POLA1: variants seen among roughly 807,000 people sequenced by gnomAD.
POLA1 encodes DNA polymerase alpha catalytic subunit.
Under a neutral mutation model 124.0 loss-of-function variants are expected in POLA1, and 15 were observed. That is an observed-to-expected ratio of 0.12 (90% confidence interval 0.08 to 0.19). The LOEUF is 0.19. POLA1 is among the 10% of genes least tolerant of loss of function. The pLI, the probability that POLA1 is intolerant of heterozygous loss-of-function variation, is 1.00. For missense variants in POLA1, 886 were observed against 1,103.4 expected (o/e 0.80, Z 2.79); for synonymous variants, 408 against 389.4 (o/e 1.05, Z -0.56).
intron 15 of POLA1, among the ~76,000 whole-genome samples, chrX:24,730,435 G>A (rs1250491442): frequency 1.8e-5 from 2 of 110,535 alleles, no homozygotes; most frequent in African/African-American, 3.3e-5. Flanking sequence ...TAGTAGAGAC[G>A]GAGTTTCCCC....
At chrX:24,846,800 A>G (rs2046483227) in intron 34 of POLA1, among the ~76,000 whole-genome samples, 1 of 112,046 alleles carries the variant, frequency 8.9e-6, no homozygotes, top group African/African-American at 3.2e-5. Context: ...TTACACTTTC[A>G]TGAAATTTTC....
intron 36 of POLA1, among the ~76,000 whole-genome samples, chrX:24,965,485 G>A (rs1011925576): frequency 4.5e-5 from 5 of 111,662 alleles, no homozygotes; most frequent in African/African-American, 1.6e-4. Context: ...TGGAGCCAGG[G>A]CTAATTGCTT....
At chrX:24,922,040 C>T (rs770354863) in intron 35 of POLA1, among the ~76,000 whole-genome samples, 1 of 110,838 alleles carries the variant, frequency 9.0e-6, no homozygotes, top group South Asian at 3.9e-4. Flanking sequence ...CAGCTTAGAT[C>T]TGAAAAGAAA....
chrX:24,797,859 G>A (rs1234855054), intron 26 of POLA1, among the ~76,000 whole-genome samples: 2 of 107,659 alleles, frequency 1.9e-5, no homozygotes, highest in East Asian at 5.8e-4. Context: ...ACCAGGGTAG[G>A]CAACATAGTG....
At chrX:24,791,935 T>C (rs1258150652) in intron 26 of POLA1, among the ~76,000 whole-genome samples, 1 of 112,096 alleles carries the variant, frequency 8.9e-6, no homozygotes. Context: ...TTTCTTGTGA[T>C]AATCATTATA....
intron 35 of POLA1, among the ~76,000 whole-genome samples, chrX:24,905,875 A>T (rs927602423): frequency 8.9e-6 from 1 of 112,155 alleles, no homozygotes; most frequent in African/African-American, 3.2e-5. Context: ...CACTTTTTAA[A>T]TGAATGGAAA....
chrX:24,742,396 A>G (rs1399765800), intron 22 of POLA1, among the ~76,000 whole-genome samples: 3 of 112,306 alleles, frequency 2.7e-5, no homozygotes, highest in East Asian at 5.6e-4. Context: ...GTGACCATAC[A>G]TGGAATGTGT....
At chrX:24,703,399 A>G (rs1928589844) in intron 3 of POLA1, 52 bp downstream of exon 3, 1 of 862,447 alleles carries the variant, frequency 1.2e-6, no homozygotes, top group Admixed American at 2.5e-5. Flanking sequence ...GCACTGTGTT[A>G]GTTGCTTCTT....
intron 26 of POLA1, among the ~76,000 whole-genome samples, chrX:24,798,978 G>A (rs768461516): frequency 3.4e-4 from 38 of 111,528 alleles, no homozygotes; most frequent in Non-Finnish European, 5.8e-4. Context: ...ACAGTAGAAT[G>A]GAAGTGGGCA....
chrX:24,947,249 T>G (rs1408185944), intron 36 of POLA1, among the ~76,000 whole-genome samples: 1 of 16,448 alleles, frequency 6.1e-5, no homozygotes, highest in African/African-American at 3.1e-4. Context: ...GCAGATTCTT[T>G]TTTTTTTTTT....
At chrX:24,987,832 C>T (rs1053579740) in intron 36 of POLA1, among the ~76,000 whole-genome samples, 1 of 111,332 alleles carries the variant, frequency 9.0e-6, no homozygotes, top group Non-Finnish European at 1.9e-5. Context: ...TAGGAAGGCA[C>T]GACCTCTTTT....
At chrX:24,744,091 C>G (rs1157460357) in intron 23 of POLA1, among the ~76,000 whole-genome samples, 1 of 111,671 alleles carries the variant, frequency 9.0e-6, no homozygotes, top group East Asian at 2.8e-4. Flanking sequence ...ACATTTCAAC[C>G]CTTCCCAAGT....
intron 34 of POLA1, among the ~76,000 whole-genome samples, chrX:24,860,937 C>G (rs1001952783): frequency 1.8e-5 from 2 of 111,639 alleles, no homozygotes; most frequent in Admixed American, 1.9e-4. Context: ...CACCCTGTCC[C>G]CACCACCACT....
At chrX:24,871,125 G>A (rs2046857921) in intron 34 of POLA1, among the ~76,000 whole-genome samples, 1 of 112,020 alleles carries the variant, frequency 8.9e-6, no homozygotes, top group Non-Finnish European at 1.9e-5. Context: ...TGTCATTGTA[G>A]CACTCTGCCT....
intron 35 of POLA1, among the ~76,000 whole-genome samples, chrX:24,900,464 G>A (rs2047262696): frequency 8.9e-6 from 1 of 112,051 alleles, no homozygotes; most frequent in Non-Finnish European, 1.9e-5. Context: ...TGCTATGCAG[G>A]ATAAGGGCAG....
chrX:24,823,403 C>CT lies in POLA1; in HGVS notation c.3561+1836dup, dbSNP rs1405893977. 4.7e-3 allele frequency among the ~76,000 whole-genome samples: 463 copies of CT among 99,261 alleles called. 4 individuals are homozygous for CT. Among genetic ancestry groups the CT allele is most frequent in the African/African-American group, 0.012 (332 of 27,541 alleles). 86.2% of individuals were successfully genotyped at this position (99,261 alleles called of 115,157 possible). On this transcript the variant is annotated intron_variant, in intron 31 of 36. Coordinates refer to ENST00000379068, the MANE Select transcript of POLA1 (RefSeq NM_001330360.2). ...ATGCTTTTGAAAATGTATCATGACA[C>CT]TTTTTTTTTTTTTTTTGAGATGGAG...
At chrX:24,911,503 A>G (rs1475174658) in intron 35 of POLA1, among the ~76,000 whole-genome samples, 2 of 110,591 alleles carry the variant, frequency 1.8e-5, no homozygotes, top group Non-Finnish European at 3.8e-5. Flanking sequence ...TTATATGAGG[A>G]GAAAAGAAAG....
intron 31 of POLA1, among the ~76,000 whole-genome samples, chrX:24,824,911 TA>T (rs749784130): frequency 1.8e-5 from 2 of 111,798 alleles, no homozygotes; most frequent in African/African-American, 6.5e-5. Context: ...CAGGTGCCTT[TA>T]AAAAATATTT....
chrX:24,809,078 A>G (rs1334440055), intron 26 of POLA1, among the ~76,000 whole-genome samples: 1 of 110,334 alleles, frequency 9.1e-6, no homozygotes, highest in Non-Finnish European at 1.9e-5. Flanking sequence ...AATAGTAGCT[A>G]CCCCTTGGAG....
Sources: allele counts gnomAD v4.1 joint callset (sites outside exome capture counted in the v4.1 genomes callset), GRCh38; gene constraint gnomAD v4.1.1; transcripts MANE v1.5; gene names NCBI Gene and HGNC (gene_info 2026-07-23, HGNC 2026-07-21).